Variants in BTRC observed in about 807,000 individuals in gnomAD.
BTRC encodes F-box/WD repeat-containing protein 1A.
In BTRC, 42 loss-of-function variants were observed where a neutral mutation model predicts 85.5. The ratio of observed to expected loss-of-function variants is 0.49; its 90% confidence interval spans 0.38 to 0.64. The LOEUF is 0.64. Ranked by LOEUF, BTRC falls within the 30% of genes least tolerant of loss-of-function variation. The pLI is 0.00. For missense variants in BTRC, 594 were observed against 743.5 expected (o/e 0.80, Z 2.34); for synonymous variants, 255 against 263.3 (o/e 0.97, Z 0.30).
At chr10:101,530,650 ATAT>A (rs1299542106) in intron 6 of BTRC, among the ~76,000 whole-genome samples, 1 of 152,164 alleles carries the variant, frequency 6.6e-6, no homozygotes, top group Non-Finnish European at 1.5e-5. Context: ...TTGTTTACTG[ATAT>A]TATAATATTC....
chr10:101,414,567 C>T (rs993186120), intron 1 of BTRC: 6 of 497,450 alleles, frequency 1.2e-5, no homozygotes, highest in African/African-American at 3.9e-5. Flanking sequence ...TGTAAAACAG[C>T]GTTAGGCAGG....
intron 9 of BTRC, among the ~76,000 whole-genome samples, 187 bp downstream of exon 9, chr10:101,533,257 C>T (rs973415015): frequency 1.8e-4 from 28 of 152,206 alleles, no homozygotes; most frequent in Non-Finnish European, 1.3e-4. Flanking sequence ...GGTAAGTTTA[C>T]ATTTTCGCAC....
At chr10:101,446,044 G>T (rs1480552162) in intron 2 of BTRC, among the ~76,000 whole-genome samples, 1 of 152,014 alleles carries the variant, frequency 6.6e-6, no homozygotes, top group African/African-American at 2.4e-5. Context: ...TGTCTTATTG[G>T]ATGAAAGGCA....
At chr10:101,528,302 T>G (rs1443380376) in intron 6 of BTRC, among the ~76,000 whole-genome samples, 4 of 151,656 alleles carry the variant, frequency 2.6e-5, no homozygotes, top group Non-Finnish European at 1.5e-5. Flanking sequence ...GATGTGAAAA[T>G]GCCAAAGGTA....
chr10:101,399,759 A>T (rs1943450886), intron 1 of BTRC, among the ~76,000 whole-genome samples: 1 of 152,184 alleles, frequency 6.6e-6, no homozygotes, highest in South Asian at 2.1e-4. Context: ...CAGGTTGTGC[A>T]TTTGAGATTT....
intron 1 of BTRC, among the ~76,000 whole-genome samples, chr10:101,419,064 G>T (rs1944027039): frequency 6.7e-6 from 1 of 150,124 alleles, no homozygotes. Flanking sequence ...AGGCTGGAGT[G>T]CAGTGGCACG....
At chr10:101,402,171 C>T (rs1240580357) in intron 1 of BTRC, among the ~76,000 whole-genome samples, 1 of 152,184 alleles carries the variant, frequency 6.6e-6, no homozygotes, top group East Asian at 1.9e-4. Flanking sequence ...TACTTCATAT[C>T]TGATAAATCT....
At chr10:101,552,416 C>T (rs2062666622) in intron 14 of BTRC, among the ~76,000 whole-genome samples, 1 of 148,792 alleles carries the variant, frequency 6.7e-6, no homozygotes, top group South Asian at 2.1e-4. Context: ...TGGTCTCGAA[C>T]TCCTGAGCTC....
chr10:101,504,718 A>C, intron 4 of BTRC, among the ~76,000 whole-genome samples: 3 of 144,602 alleles, frequency 2.1e-5, no homozygotes, highest in East Asian at 2.0e-4. Context: ...TCTCCCTTTG[A>C]CTCTCTTTCT....
intron 1 of BTRC, among the ~76,000 whole-genome samples, chr10:101,363,468 C>T (rs11190963): frequency 0.32 from 43,998 of 137,148 alleles, 7,408 homozygotes; most frequent in Middle Eastern, 0.46. Context: ...TTTGTTTTTT[C>T]TTTTTTTTGA....
chr10:101,417,496 G>A (rs1006519106), intron 1 of BTRC, among the ~76,000 whole-genome samples: 17 of 152,172 alleles, frequency 1.1e-4, no homozygotes, highest in Non-Finnish European at 1.8e-4. Flanking sequence ...GACACATAAT[G>A]TGAATTTCTT....
intron 1 of BTRC, among the ~76,000 whole-genome samples, chr10:101,385,632 T>TTTG (rs1288309804): frequency 2.8e-5 from 4 of 143,950 alleles, no homozygotes; most frequent in East Asian, 4.0e-4. Flanking sequence ...TTTTTTTTTT[T>TTTG]TGTGTGTTCT....
intron 1 of BTRC, among the ~76,000 whole-genome samples, chr10:101,362,010 G>C (rs954281347): frequency 1.1e-4 from 16 of 152,132 alleles, no homozygotes; most frequent in Non-Finnish European, 2.2e-4. Flanking sequence ...CGCCAGACTG[G>C]AGTGCAGTGG....
intron 4 of BTRC, among the ~76,000 whole-genome samples, chr10:101,494,930 G>T (rs1478507600): frequency 2.6e-5 from 4 of 152,208 alleles, no homozygotes; most frequent in African/African-American, 9.6e-5. Flanking sequence ...ATGTTTTAAA[G>T]TGTCAGTGGT....
chr10:101,420,062 A>C (rs113939986), intron 1 of BTRC, among the ~76,000 whole-genome samples: 1 of 90 alleles, frequency 0.011, no homozygotes, highest in Non-Finnish European at 0.019. Flanking sequence ...ATGTGTACAT[A>C]TATATATATA....
intron 1 of BTRC, among the ~76,000 whole-genome samples, chr10:101,406,656 C>T (rs1236689832): frequency 6.6e-6 from 1 of 150,992 alleles, no homozygotes; most frequent in Non-Finnish European, 1.5e-5. Flanking sequence ...GCCTCAGCCT[C>T]CCAAGTAGCT....
At chr10:101,430,532 C>T in intron 2 of BTRC, 80 bp downstream of exon 2, 1 of 1,092,340 alleles carries the variant, frequency 9.2e-7, no homozygotes, top group South Asian at 1.4e-5. Flanking sequence ...CCTCCTTTCC[C>T]ATACTTTACT....
chr10:101,513,432 C>G (rs865949704), intron 4 of BTRC, among the ~76,000 whole-genome samples: 8 of 152,160 alleles, frequency 5.3e-5, no homozygotes, highest in South Asian at 2.1e-4. Context: ...GTACCCTTCC[C>G]CAGTCAGTCC....
chr10:101,547,635 G>A (rs940926079), intron 13 of BTRC, among the ~76,000 whole-genome samples: 20 of 151,828 alleles, frequency 1.3e-4, no homozygotes, highest in Admixed American at 9.8e-4. Context: ...CACTGCACCC[G>A]GCCATGTATG....
Sources: allele counts gnomAD v4.1 joint callset (sites outside exome capture counted in the v4.1 genomes callset), GRCh38; gene constraint gnomAD v4.1.1; transcripts MANE v1.5; gene names NCBI Gene and HGNC (gene_info 2026-07-23, HGNC 2026-07-21).